Variants in MPRIP observed in about 807,000 individuals in gnomAD.
MPRIP encodes the protein myosin phosphatase Rho interacting protein, also known as myosin phosphatase Rho-interacting protein.
In MPRIP, 59 loss-of-function variants were observed where a neutral mutation model predicts 234.9. That is an observed-to-expected ratio of 0.25 (90% CI 0.20 to 0.31). The LOEUF (loss-of-function observed/expected upper bound fraction) is 0.31. MPRIP is among the 10% of genes least tolerant of loss of function. The pLI, the probability that MPRIP is intolerant of heterozygous loss-of-function variation, is 1.00. For missense variants in MPRIP, 2,436 were observed against 3,071.0 expected, an observed-to-expected ratio of 0.79 and a Z score of 4.89; for synonymous variants, 1,144 against 1,263.9, an observed-to-expected ratio of 0.91 and a Z score of 2.01.
At chr17:17,080,009 G>A (rs2089426362) in intron 3 of MPRIP, among the ~76,000 whole-genome samples, 1 of 152,230 alleles carries the variant, frequency 6.6e-6, no homozygotes, top group South Asian at 2.1e-4. Flanking sequence ...GGGATGTGGG[G>A]AAAGAAAGAA....
rs2046590982 is a variant in MPRIP at position 17,191,741 on chromosome 17, G to A, written c.*6847G>A. 1 of 152,390 alleles carries A rather than the reference G, an allele frequency of 6.6e-6. No individual in the cohort carries two copies. The highest frequency in any genetic ancestry group is 6.5e-5 in the Admixed American group (1 of 15,302). The allele number at this position is 152,390 out of a possible 1,614,324, so 9.4% of individuals were successfully genotyped here. ...GCCCCCCACTGCCCTTGAGAAGTTA[G>A]TGGTGTCACATCCTTAGTTTTATAG... On this transcript the variant is annotated 3_prime_UTR_variant, in exon 24 of 24. Coordinates refer to ENST00000651222, the MANE Select transcript of MPRIP (RefSeq NM_001364716.4).
rs1269592019 is a variant in MPRIP at position 17,188,674 on chromosome 17, CTT to C, written c.*3781_*3782del. On this transcript the variant is annotated 3_prime_UTR_variant, in exon 24 of 24. Transcript: ENST00000651222. ...TTTTACTATAGAGGTAGATGGGACT[CTT>C]AACTTTTGGGTACATGGAAACATGC... The C allele has an allele frequency of 6.6e-6, 1 of 152,240 alleles. No individual in the cohort carries two copies. The highest frequency in any genetic ancestry group is 1.5e-5 in the Non-Finnish European group (1 of 68,038). 9.4% of individuals were successfully genotyped at this position (152,240 alleles called of 1,614,324 possible). A position where few individuals can be genotyped will look rare whatever the true frequency, so the allele number is the denominator to read the frequency against.
intron 3 of MPRIP, among the ~76,000 whole-genome samples, chr17:17,117,348 A>G (rs1208552519): frequency 6.6e-6 from 1 of 152,216 alleles, no homozygotes; most frequent in African/African-American, 2.4e-5. Context: ...TCTCTAGGCC[A>G]AAACATTAGG....
rs1398270180 is a variant in MPRIP, at chr17:17,166,572, A to C, written c.4981A>C (p.Ile1661Leu). The C allele has an allele frequency of 7.7e-7, 1 of 1,304,212 alleles. No individual in the cohort carries two copies. Among genetic ancestry groups the C allele is most frequent in the Non-Finnish European group, 1.0e-6 (1 of 988,962 alleles). 80.8% of individuals were successfully genotyped at this position (1,304,212 alleles called of 1,614,324 possible). ...AAGCATCCCACAGGGCCTGGCCCCC[A>C]TCCTGGCCAATGCCACATGGGTCAG... ...QQSIPQGLAP[I>L]LANATWVRAE... is the part of the protein sequence containing the mutation. Residue 1661 changes from isoleucine to leucine, a missense_variant, in exon 16 of 24, where the codon ATC becomes CTC. Around this residue, in one of 4 missense-constraint regions of MPRIP, gnomAD observed 1,998 missense variants for 2,520.3 expected, o/e 0.79. Transcript: ENST00000651222. This position sits in a 1 kb window ranked among gnomAD's most constrained non-coding sequence, Gnocchi z 4.4.
chr17:17,053,433 A>G (rs2088601628), intron 1 of MPRIP, among the ~76,000 whole-genome samples: 1 of 152,148 alleles, frequency 6.6e-6, no homozygotes, highest in Non-Finnish European at 1.5e-5. Flanking sequence ...GAGTTTGTAA[A>G]TACTGGGTTA....
At chr17:17,079,031 A>T (rs1336238498) in intron 3 of MPRIP, among the ~76,000 whole-genome samples, 1 of 152,096 alleles carries the variant, frequency 6.6e-6, no homozygotes, top group Non-Finnish European at 1.5e-5. Flanking sequence ...ATGAGTGGAG[A>T]TAACTGTCCC....
chr17:17,147,141 G>A (rs529784603), intron 10 of MPRIP, among the ~76,000 whole-genome samples, 178 bp from the exon 11 acceptor site: 1 of 152,066 alleles, frequency 6.6e-6, no homozygotes, highest in East Asian at 1.9e-4. Flanking sequence ...GTGAGCGCAT[G>A]GCTGCCTGCA....
Position 17,126,750 on chromosome 17 carries a change from G to A in MPRIP, c.316G>A (p.Val106Met). ...GTINMNQCTD[V>M]VDGEGRTGQK... ...CATCAACATGAACCAGTGCACAGAT[G>A]TGGTGGATGGGGAGGGCCGCACGGG... Residue 106 changes from valine to methionine, a missense_variant, in exon 4 of 24, where the codon GTG (valine) becomes ATG (methionine). Physicochemically the swap from Val to Met is conservative, Grantham distance 21 (BLOSUM62 1). Around this residue, in one of 4 missense-constraint regions of MPRIP, gnomAD observed 140 missense variants for 207.3 expected, o/e 0.68. Transcript: ENST00000651222. 4 of 1,614,160 alleles carry A rather than the reference G, an allele frequency of 2.5e-6. No individual in the cohort carries two copies. The highest frequency in any genetic ancestry group is 1.7e-5 in the Admixed American group (1 of 60,024).
chr17:17,097,244 T>A (rs1350641215), intron 3 of MPRIP: 1 of 185,134 alleles, frequency 5.4e-6, no homozygotes, highest in Non-Finnish European at 1.1e-5. Flanking sequence ...GTTCATATTG[T>A]GGTTATGTAT....
chr17:17,107,185 A>AG (rs1342223967), intron 3 of MPRIP, among the ~76,000 whole-genome samples: 2 of 152,082 alleles, frequency 1.3e-5, no homozygotes, highest in African/African-American at 4.8e-5. Flanking sequence ...CTTTAGAGTG[A>AG]GGGGGTGGAT....
intron 22 of MPRIP, chr17:17,178,624 C>T (rs1392298745): frequency 6.6e-6 from 1 of 152,182 alleles, no homozygotes; most frequent in Non-Finnish European, 1.5e-5. Flanking sequence ...GAGGTCAAAA[C>T]TCCTGTGCTG....
intron 19 of MPRIP, 36 bp from the exon 20 acceptor site, chr17:17,175,257 G>A (rs530610733): frequency 6.2e-6 from 10 of 1,612,128 alleles, no homozygotes; most frequent in Non-Finnish European, 8.5e-6. Context: ...GCCCCAGGCA[G>A]CTCTGGAGTG....
At chr17:17,141,326 C>A (rs2090811657) in intron 7 of MPRIP, among the ~76,000 whole-genome samples, 1 of 152,182 alleles carries the variant, frequency 6.6e-6, no homozygotes, top group African/African-American at 2.4e-5. Context: ...TCCTGGAACT[C>A]CAGCAGCTTC....
intron 5 of MPRIP, among the ~76,000 whole-genome samples, chr17:17,134,208 A>C (rs562995316): frequency 2.6e-5 from 4 of 152,320 alleles, no homozygotes; most frequent in Admixed American, 1.3e-4. Context: ...TGTTCCTGCT[A>C]GGGAAGTGGG....
At chr17:17,094,107 T>C (rs181671599) in intron 3 of MPRIP, among the ~76,000 whole-genome samples, 97 of 152,266 alleles carry the variant, frequency 6.4e-4, no homozygotes, top group East Asian at 5.8e-4. Context: ...TTTTTGTTTG[T>C]TCGTTTTTGT....
At chr17:17,113,041 C>A (rs1353983796) in intron 3 of MPRIP, among the ~76,000 whole-genome samples, 1 of 152,194 alleles carries the variant, frequency 6.6e-6, no homozygotes, top group Non-Finnish European at 1.5e-5. Context: ...TGGGAGCTGT[C>A]CACTTGGGGA....
chr17:17,183,640 C>G (rs1349726974), intron 23 of MPRIP, among the ~76,000 whole-genome samples: 1 of 152,180 alleles, frequency 6.6e-6, no homozygotes, highest in Non-Finnish European at 1.5e-5. Flanking sequence ...CTGGGTAGAG[C>G]TGGGTGGGGT....
In MPRIP at chr17:17,060,091, C is replaced by T. The variant is rs1409044810; in HGVS notation, c.124-15619C>T. On this transcript the variant is annotated intron_variant, in intron 1 of 23. Coordinates refer to ENST00000651222, the MANE Select transcript of MPRIP (RefSeq NM_001364716.4). The stretch of plus-strand genomic sequence containing the variant: ...GTCCTTCTGGAGGACAGCCCCCAAT[C>T]TCCGCCAGCTTCCTGACCTCCTGCG... Among the ~76,000 whole-genome samples, 3 of 152,188 alleles carry T rather than the reference C, an allele frequency of 2.0e-5. No homozygotes were observed. In the East Asian group the frequency reaches 5.8e-4, roughly 29 times the overall value.
chr17:17,140,546 A>G (rs1567744000), intron 7 of MPRIP, among the ~76,000 whole-genome samples: 1 of 152,200 alleles, frequency 6.6e-6, no homozygotes, highest in East Asian at 1.9e-4. Context: ...TGATTAGAGC[A>G]GAATCTCCAA....
Sources: gnomAD v4.1 joint callset for allele counts (sites outside exome capture counted in the v4.1 genomes callset) on GRCh38, gnomAD v4.1.1 for gene constraint, gnomAD v4.1.1 regional missense constraint, Gnocchi (gnomAD v3.1) non-coding constraint, MANE v1.5 for transcripts, NCBI Gene and HGNC (gene_info 2026-07-23, HGNC 2026-07-21) for gene names.